Variants in CCDC171 observed in about 807,000 individuals in gnomAD.
CCDC171 encodes coiled-coil domain containing 171.
CCDC171 carries 177 observed loss-of-function variants against 168.2 expected under a neutral mutation model. The ratio of observed to expected loss-of-function variants is 1.05; its 90% CI spans 0.93 to 1.19. The LOEUF (loss-of-function observed/expected upper bound fraction) is 1.19, where lower values mean the gene tolerates loss of function less well. Among genes scored for constraint, CCDC171 ranks in the 50% most tolerant of loss-of-function variants. The pLI is 0.00. For missense variants in CCDC171, 1,991 were observed against 1,539.0 expected (o/e 1.29, Z -4.91); for synonymous variants, 687 against 540.8 (o/e 1.27, Z -3.75).
At chr9:15,706,884 G>A (rs1483463662) in intron 11 of CCDC171, among the ~76,000 whole-genome samples, 1 of 152,178 alleles carries the variant, frequency 6.6e-6, no homozygotes, top group African/African-American at 2.4e-5. Context: ...ATTCCTTTGG[G>A]CATGTATGTG....
intron 9 of CCDC171, among the ~76,000 whole-genome samples, chr9:15,671,241 TC>T (rs1425691331): frequency 6.6e-6 from 1 of 152,092 alleles, no homozygotes; most frequent in East Asian, 1.9e-4. Context: ...TCTCTCATGT[TC>T]CTACACCTCA....
chr9:15,860,323 C>T (rs1189477911), intron 23 of CCDC171, among the ~76,000 whole-genome samples: 1 of 149,822 alleles, frequency 6.7e-6, no homozygotes, highest in East Asian at 2.0e-4. Context: ...TTAGTTTGTT[C>T]TTCTTCTCGT....
intron 3 of CCDC171, among the ~76,000 whole-genome samples, chr9:16,013,524 C>T (rs796602538): frequency 5.9e-4 from 90 of 152,342 alleles, no homozygotes; most frequent in African/African-American, 1.8e-3. Flanking sequence ...ATGTAGCATG[C>T]GCTCTTGGGA....
At chr9:15,979,566 A>G (rs1215202850) in intron 3 of CCDC171, among the ~76,000 whole-genome samples, 1 of 152,004 alleles carries the variant, frequency 6.6e-6, no homozygotes, top group Non-Finnish European at 1.5e-5. Context: ...TTTGTCCTGT[A>G]TTCTATTAAT....
intron 1 of CCDC171, among the ~76,000 whole-genome samples, chr9:15,561,190 C>G (rs1264688905): frequency 6.6e-6 from 1 of 152,080 alleles, no homozygotes; most frequent in Non-Finnish European, 1.5e-5. Context: ...TATTATCTTC[C>G]CCTTGGGGTT....
In CCDC171 at chr9:15,571,624, G is replaced by T. The variant is rs908977453; in HGVS notation, c.42G>T (p.Arg14Ser). The change falls in exon 3 of 26, where the codon AGG becomes AGT. Residue 14 changes from arginine (R) to serine (S), a missense_variant and splice_region_variant. Coordinates refer to ENST00000380701, the MANE Select transcript of CCDC171 (RefSeq NM_173550.4). ...NTSSNTGDTQ[R>S]LKIASLDVKQ... is the part of the protein sequence containing the mutation. The stretch of plus-strand genomic sequence containing the variant: ...ATTTTACTGTAATCTCATTTTAAAG[G>T]TTGAAGATTGCCTCATTGGATGTAA... 1.9e-6 allele frequency: 3 copies of T among 1,546,440 alleles called. No individual in the cohort carries two copies. The South Asian group carries it at 3.7e-5, about 19-fold the overall frequency.
At chr9:16,011,002 A>G (rs569997688) in intron 3 of CCDC171, among the ~76,000 whole-genome samples, 2 of 152,130 alleles carry the variant, frequency 1.3e-5, no homozygotes, top group African/African-American at 4.8e-5. Flanking sequence ...TTATTCAGTT[A>G]AAAGACACTG....
chr9:15,883,026 C>CTTCCTTCCTTCCTTCCTGGCTGCCTT lies in CCDC171; in HGVS notation c.3600+8363_3600+8364insTTCCTTCCTTCCTTCCTGGCTGCCTT, dbSNP rs1563932804. 6.4e-5 allele frequency: 21 copies of CTTCCTTCCTTCCTTCCTGGCTGCCTT among 330,062 alleles called. 1 individual carries two copies. The highest frequency in any genetic ancestry group is 2.1e-4 in the African/African-American group (7 of 32,980). The allele number at this position is 330,062 out of a possible 1,614,324, so 20.4% of individuals were successfully genotyped here. A position where few individuals can be genotyped will look rare whatever the true frequency, so the allele number is the denominator to read the frequency against. The stretch of plus-strand genomic sequence containing the variant: ...CCTTCCTTCCTTCCTTCCTCCCCTC[C>CTTCCTTCCTTCCTTCCTGGCTGCCTT]CCTCCCCTTCCTTTTCTTTTGAGAC... On this transcript the variant is annotated intron_variant, in intron 24 of 25. Coordinates refer to ENST00000380701, the MANE Select transcript of CCDC171 (RefSeq NM_173550.4).
At chr9:15,673,577 A>G (rs151132542) in intron 9 of CCDC171, among the ~76,000 whole-genome samples, 2 of 152,298 alleles carry the variant, frequency 1.3e-5, no homozygotes, top group African/African-American at 2.4e-5. Context: ...AGTTCTGTCA[A>G]AGGCCTTTTA....
chr9:15,995,093 C>G (rs1035682446), intron 3 of CCDC171, among the ~76,000 whole-genome samples: 5 of 152,248 alleles, frequency 3.3e-5, no homozygotes, highest in African/African-American at 1.2e-4. Flanking sequence ...TTTTGAAAAC[C>G]CACACCCACG....
chr9:15,664,054 A>G (rs896602306), intron 8 of CCDC171, among the ~76,000 whole-genome samples: 1 of 152,180 alleles, frequency 6.6e-6, no homozygotes, highest in East Asian at 1.9e-4. Context: ...TGGGAGCTAA[A>G]TAATGTGTAC....
intron 25 of CCDC171, among the ~76,000 whole-genome samples, chr9:15,934,476 C>T (rs1283550738): frequency 1.3e-5 from 2 of 151,112 alleles, no homozygotes; most frequent in Non-Finnish European, 3.0e-5. Context: ...TGCCACTTTA[C>T]ACCCACTAGG....
At chr9:15,771,230 A>G (rs2135277359) in intron 18 of CCDC171, among the ~76,000 whole-genome samples, 1 of 152,288 alleles carries the variant, frequency 6.6e-6, no homozygotes, top group South Asian at 2.1e-4. Context: ...TTCTTGGGCT[A>G]AATTCATGAG....
chr9:15,702,861 C>G (rs2051868160), intron 11 of CCDC171, among the ~76,000 whole-genome samples: 1 of 151,938 alleles, frequency 6.6e-6, no homozygotes, highest in African/African-American at 2.4e-5. Context: ...GCTTCCTCAC[C>G]TCTCTCAGCC....
chr9:15,909,374 G>C (rs1344762352), intron 24 of CCDC171, among the ~76,000 whole-genome samples: 2 of 147,662 alleles, frequency 1.4e-5, no homozygotes, highest in Non-Finnish European at 3.0e-5. Context: ...ATTTTTAGCA[G>C]CTTTTATGCA....
intron 24 of CCDC171, among the ~76,000 whole-genome samples, chr9:15,914,287 A>T (rs1824157917): frequency 6.6e-6 from 1 of 151,936 alleles, no homozygotes; most frequent in Non-Finnish European, 1.5e-5. Context: ...GGGAGATGGG[A>T]GTTTTATCTA....
At chr9:15,781,345 A>G (rs146555796) in intron 20 of CCDC171, among the ~76,000 whole-genome samples, 199 of 152,300 alleles carry the variant, frequency 1.3e-3, no homozygotes, top group African/African-American at 4.6e-3. Context: ...TTCAGTAATT[A>G]AGAGTATGTT....
the CCDC171 span, among the ~76,000 whole-genome samples, chr9:16,095,345 C>T: frequency 1.8e-3 from 268 of 152,278 alleles, 1 homozygote; most frequent in African/African-American, 6.2e-3. Flanking sequence ...TCAAACTGCT[C>T]TGGGGAAGAA....
At chr9:15,615,902 C>G (rs907323138) in intron 6 of CCDC171, among the ~76,000 whole-genome samples, 1 of 151,924 alleles carries the variant, frequency 6.6e-6, no homozygotes, top group Non-Finnish European at 1.5e-5. Context: ...CCTCAGCCCT[C>G]CAAGTACTGG....
Sources: allele counts gnomAD v4.1 joint callset (sites outside exome capture counted in the v4.1 genomes callset), GRCh38; gene constraint gnomAD v4.1.1; transcripts MANE v1.5; gene names NCBI Gene and HGNC (gene_info 2026-07-23, HGNC 2026-07-21).